PALM2AKAP2: variants seen among roughly 807,000 people sequenced by gnomAD.
The protein encoded by PALM2AKAP2 is PALM2 and AKAP2 fusion, also known as PALM2-AKAP2 fusion protein.
A neutral mutation model predicts 71.5 loss-of-function variants in PALM2AKAP2; 37 were observed. The ratio of observed to expected loss-of-function variants is 0.52; its 90% CI spans 0.40 to 0.68. PALM2AKAP2 has a LOEUF of 0.68. PALM2AKAP2 is among the 30% of genes least tolerant of loss of function. The pLI is 0.00. For synonymous variants in PALM2AKAP2, 468 were observed against 478.8 expected, an observed-to-expected ratio of 0.98 and a Z score of 0.29; for missense variants, 1,224 against 1,191.8, an observed-to-expected ratio of 1.03 and a Z score of -0.40.
At chr9:109,963,484 T>C (rs1386876174) in intron 6 of PALM2AKAP2, among the ~76,000 whole-genome samples, 1 of 152,212 alleles carries the variant, frequency 6.6e-6, no homozygotes, top group African/African-American at 2.4e-5. Flanking sequence ...CTCAGCCACA[T>C]TTCCAGGAGG....
At chr9:109,962,382 G>T (rs1270261796) in intron 6 of PALM2AKAP2, among the ~76,000 whole-genome samples, 1 of 152,112 alleles carries the variant, frequency 6.6e-6, no homozygotes, top group Non-Finnish European at 1.5e-5. Context: ...AGCAAATGTG[G>T]TCCTCTGCCT....
intron 1 of PALM2AKAP2, among the ~76,000 whole-genome samples, chr9:109,711,479 T>C (rs962833329): frequency 6.6e-6 from 1 of 152,204 alleles, no homozygotes; most frequent in Non-Finnish European, 1.5e-5. Context: ...GTTATAGATA[T>C]TTGGTAGATA....
At chr9:109,885,566 C>T (rs1004122657) in intron 3 of PALM2AKAP2, among the ~76,000 whole-genome samples, 4 of 152,090 alleles carry the variant, frequency 2.6e-5, no homozygotes, top group African/African-American at 9.7e-5. Context: ...CCTAGAAACC[C>T]CCCAAGGAGA....
chr9:109,688,695 G>A (rs1827837423), intron 1 of PALM2AKAP2, among the ~76,000 whole-genome samples: 1 of 152,214 alleles, frequency 6.6e-6, no homozygotes, highest in Non-Finnish European at 1.5e-5. Context: ...GGGGCAGAGA[G>A]ATTAAGCTTG....
chr9:109,842,002 G>GA (rs1164125086), intron 1 of PALM2AKAP2, among the ~76,000 whole-genome samples: 2 of 150,996 alleles, frequency 1.3e-5, no homozygotes, highest in African/African-American at 2.4e-5. Context: ...GGGGAGGTGG[G>GA]AAAAAAAGAG....
intron 1 of PALM2AKAP2, among the ~76,000 whole-genome samples, chr9:109,836,986 A>G (rs937020637): frequency 6.6e-6 from 1 of 152,222 alleles, no homozygotes; most frequent in Non-Finnish European, 1.5e-5. Context: ...CTTCCCCAAC[A>G]TAGCAATGCA....
chr9:109,896,729 T>A (rs996056957), intron 3 of PALM2AKAP2, among the ~76,000 whole-genome samples: 2 of 151,994 alleles, frequency 1.3e-5, no homozygotes, highest in East Asian at 3.9e-4. Flanking sequence ...GAGGATCACT[T>A]AAGTCCAGGA....
chr9:109,860,213 T>G (rs947027847), intron 1 of PALM2AKAP2, among the ~76,000 whole-genome samples: 5 of 152,218 alleles, frequency 3.3e-5, no homozygotes, highest in South Asian at 2.1e-4. Flanking sequence ...TTTTTTATGC[T>G]TGATTACTCA....
rs1587879286 is a variant in PALM2AKAP2, at chr9:110,162,613, A to G, written c.2749-5786A>G. On this transcript the variant is annotated intron_variant, in intron 3 of 3. Coordinates refer to ENST00000374525, the Ensembl canonical transcript of PALM2AKAP2. ...TAAGATGAACCATCCTAATCTACAG[A>G]TTTATCAAATGTAAACCATCCTAGA... is the stretch of plus-strand genomic sequence containing the variant. Among the ~76,000 whole-genome samples, 4 of 152,160 alleles carry G rather than the reference A, an allele frequency of 2.6e-5. No homozygotes were observed. In the East Asian group the frequency reaches 7.7e-4, roughly 29 times the overall value.
At chr9:109,760,775 A>T (rs1327787) in intron 1 of PALM2AKAP2, among the ~76,000 whole-genome samples, 2 of 152,130 alleles carry the variant, frequency 1.3e-5, no homozygotes, top group African/African-American at 4.8e-5. Context: ...CGAAACAAGT[A>T]TCTGTCCTTC....
At chr9:109,678,663 A>G (rs1212194434) in intron 1 of PALM2AKAP2, among the ~76,000 whole-genome samples, 1 of 152,168 alleles carries the variant, frequency 6.6e-6, no homozygotes, top group East Asian at 1.9e-4. Context: ...CAGCAGAGAC[A>G]AGGTACAGAC....
chr9:109,884,806 T>G (rs1019951582), intron 3 of PALM2AKAP2, among the ~76,000 whole-genome samples: 2 of 152,196 alleles, frequency 1.3e-5, no homozygotes, highest in South Asian at 4.1e-4. Flanking sequence ...CCTGAAGGTA[T>G]TTTCGTCCTT....
At chr9:109,790,656 T>C (rs1451806906) in intron 1 of PALM2AKAP2, among the ~76,000 whole-genome samples, 1 of 152,168 alleles carries the variant, frequency 6.6e-6, no homozygotes, top group Non-Finnish European at 1.5e-5. Context: ...CTTGGCTGGG[T>C]GGCATGAACT....
chr9:110,023,907 C>G (rs553107262), intron 7 of PALM2AKAP2, among the ~76,000 whole-genome samples: 1 of 151,950 alleles, frequency 6.6e-6, no homozygotes, highest in Non-Finnish European at 1.5e-5. Context: ...ATGGGAAGAT[C>G]GCTTGAGCCC....
chr9:109,832,819 G>C (rs1403617596), intron 1 of PALM2AKAP2, among the ~76,000 whole-genome samples: 1 of 152,158 alleles, frequency 6.6e-6, no homozygotes, highest in Non-Finnish European at 1.5e-5. Context: ...TGTTTAAAAT[G>C]CAAATCTCTG....
chr9:109,683,239 CT>C (rs1587866160), intron 1 of PALM2AKAP2, among the ~76,000 whole-genome samples: 1 of 152,198 alleles, frequency 6.6e-6, no homozygotes, highest in African/African-American at 2.4e-5. Context: ...AACCTCTTTT[CT>C]TTATAAATTA....
chr9:109,862,824 A>T (rs1829348299), intron 1 of PALM2AKAP2: 6 of 475,476 alleles, frequency 1.3e-5, no homozygotes, highest in South Asian at 4.6e-5. Context: ...TGTCAAATGA[A>T]GCAGCAGTGC....
intron 7 of PALM2AKAP2, among the ~76,000 whole-genome samples, chr9:110,030,491 C>G (rs949982312): frequency 5.9e-5 from 9 of 152,144 alleles, no homozygotes; most frequent in Admixed American, 1.3e-4. Context: ...GATTGAGAGA[C>G]AGGAGTGAGG....
intron 1 of PALM2AKAP2, among the ~76,000 whole-genome samples, chr9:109,643,826 A>G (rs1332409737): frequency 6.6e-6 from 1 of 152,174 alleles, no homozygotes; most frequent in East Asian, 1.9e-4. Context: ...AGACAGGGTA[A>G]TTTATGAAGA....
Sources: gnomAD v4.1 joint callset for allele counts (sites outside exome capture counted in the v4.1 genomes callset) on GRCh38, gnomAD v4.1.1 for gene constraint, MANE v1.5 for transcripts, NCBI Gene and HGNC (gene_info 2026-07-23, HGNC 2026-07-21) for gene names.